IQCB1: variants seen among roughly 807,000 people sequenced by gnomAD.
IQCB1 encodes the protein IQ calmodulin-binding motif-containing protein 1.
In IQCB1, 56 loss-of-function variants were observed where a neutral mutation model predicts 84.4. The ratio of observed to expected loss-of-function variants is 0.66; its 90% confidence interval spans 0.54 to 0.83. IQCB1 has a LOEUF of 0.83. Ranked by LOEUF, IQCB1 falls within the 40% of genes least tolerant of loss-of-function variation. IQCB1 has a pLI of 0.00. For synonymous variants in IQCB1, 210 were observed against 234.8 expected, an observed-to-expected ratio of 0.89 and a Z score of 0.96; for missense variants, 629 against 682.1, an observed-to-expected ratio of 0.92 and a Z score of 0.87.
intron 11 of IQCB1, among the ~76,000 whole-genome samples, chr3:121,789,064 T>C (rs1311004279): frequency 6.6e-6 from 1 of 152,144 alleles, no homozygotes; most frequent in East Asian, 1.9e-4. Context: ...TTGGTGCCAT[T>C]ACCTGAGATG....
chr3:121,779,703 T>C (rs1279868071), intron 13 of IQCB1, among the ~76,000 whole-genome samples: 1 of 152,222 alleles, frequency 6.6e-6, no homozygotes, highest in Non-Finnish European at 1.5e-5. Context: ...GACTTTTACC[T>C]TGTTGGGTGC....
At chr3:121,828,408 G>A in intron 4 of IQCB1, 62 bp downstream of exon 4, 2 of 1,436,040 alleles carry the variant, frequency 1.4e-6, no homozygotes, top group Non-Finnish European at 2.0e-6. Flanking sequence ...AAAAGCAAAT[G>A]TTGAAAATCA....
chr3:121,818,259 G>T (rs1950145596), intron 5 of IQCB1, among the ~76,000 whole-genome samples: 1 of 152,164 alleles, frequency 6.6e-6, no homozygotes, highest in African/African-American at 2.4e-5. Flanking sequence ...ATGAACCTCT[G>T]CTGTCAAAAG....
chr3:121,826,172 C>G lies in IQCB1; in HGVS notation c.272G>C (p.Cys91Ser). 9 of 1,613,856 alleles carry G rather than the reference C, an allele frequency of 5.6e-6. No individual in the cohort carries two copies. Among genetic ancestry groups the G allele is most frequent in the Non-Finnish European group, 7.6e-6 (9 of 1,179,818 alleles). Residue 91 changes from cysteine (C) to serine (S), a missense_variant, in exon 5 of 15, where the codon TGT (cysteine) becomes TCT (serine). Transcript: ENST00000310864. ...SQLTQILSHCCVGLEPGEDAE... is the reference protein window; with the variant it reads ...SQLTQILSHCSVGLEPGEDAE... ...ATCTTCTCCTGGCTCCAAGCCCACA[C>G]AGCAATGGCTGAAATAAGAGCACAA... is the stretch of plus-strand genomic sequence containing the variant.
At chr3:121,772,426 A>G in intron 14 of IQCB1, 131 bp downstream of exon 14, 1 of 825,706 alleles carries the variant, frequency 1.2e-6, no homozygotes, top group Non-Finnish European at 2.1e-6. Flanking sequence ...GGTCTGATCT[A>G]TGTAGAAATT....
chr3:121,816,890 C>T (rs1477663682), intron 5 of IQCB1, among the ~76,000 whole-genome samples: 1 of 152,124 alleles, frequency 6.6e-6, no homozygotes. Context: ...ACCATTTGAC[C>T]CAGCTATTCC....
intron 5 of IQCB1, among the ~76,000 whole-genome samples, chr3:121,823,055 G>C (rs1034089509): frequency 3.3e-5 from 5 of 152,056 alleles, no homozygotes; most frequent in African/African-American, 1.2e-4. Flanking sequence ...CAATCAATAA[G>C]AGAAGCAAAT....
At chr3:121,799,119 G>C (rs1949308644) in intron 8 of IQCB1, 77 bp downstream of exon 8, 1 of 1,052,598 alleles carries the variant, frequency 9.5e-7, no homozygotes, top group Non-Finnish European at 1.4e-6. Flanking sequence ...TAAAATATAA[G>C]AATTTTGTTT....
intron 12 of IQCB1, among the ~76,000 whole-genome samples, chr3:121,786,170 C>CAAGAAAAAAAGAAAAG: frequency 5.4e-4 from 39 of 72,840 alleles, no homozygotes; most frequent in South Asian, 1.2e-3. Context: ...GATTCTGTCT[C>CAAGAAAAAAAGAAAAG]AAAAGAAAAG....
chr3:121,777,139 T>C (rs1948262974), intron 13 of IQCB1, among the ~76,000 whole-genome samples: 1 of 152,238 alleles, frequency 6.6e-6, no homozygotes, highest in Non-Finnish European at 1.5e-5. Context: ...CTACTTTGAG[T>C]TACATTTTGC....
In IQCB1 at chr3:121,790,166, C is replaced by G. The variant is rs387907009; in HGVS notation, c.1036G>C (p.Glu346Gln). The stretch of plus-strand genomic sequence containing the variant: ...AGTTGCAATTGTAATTTGAGGTCCT[C>G]TTCTTCCTTCTGCCTATTTATCTCC... ...LLEINRQKEEEDLKLQLQLQR... is the reference protein window; with the variant it reads ...LLEINRQKEEQDLKLQLQLQR... The change falls in exon 11 of 15, where the codon GAG (glutamate) becomes CAG (glutamine). Residue 346 changes from glutamate (E) to glutamine (Q), a missense_variant. Transcript: ENST00000310864. 1 of 1,613,536 alleles carries G rather than the reference C, an allele frequency of 6.2e-7. No homozygotes were observed. The highest frequency in any genetic ancestry group is 1.7e-5 in the Admixed American group (1 of 59,988).
chr3:121,780,281 G>A (rs548361913), intron 13 of IQCB1, among the ~76,000 whole-genome samples: 35 of 152,250 alleles, frequency 2.3e-4, no homozygotes, highest in Admixed American at 1.7e-3. Flanking sequence ...GGCTTGCTTC[G>A]TTCCCTCTCA....
chr3:121,771,600 T>A (rs1240956898), intron 14 of IQCB1, among the ~76,000 whole-genome samples: 1 of 152,116 alleles, frequency 6.6e-6, no homozygotes, highest in East Asian at 1.9e-4. Context: ...GTGCTGGGAT[T>A]AGAGGCATGA....
intron 12 of IQCB1, among the ~76,000 whole-genome samples, chr3:121,785,787 T>C (rs983509291): frequency 6.6e-6 from 1 of 152,214 alleles, no homozygotes; most frequent in African/African-American, 2.4e-5. Flanking sequence ...CAATTTGGAC[T>C]AGCTACATGT....
chr3:121,807,715 C>A (rs1383594340), intron 6 of IQCB1, among the ~76,000 whole-genome samples: 2 of 151,884 alleles, frequency 1.3e-5, no homozygotes, highest in Non-Finnish European at 2.9e-5. Context: ...TTGAAAATAT[C>A]ATATCCTAAA....
intron 5 of IQCB1, among the ~76,000 whole-genome samples, chr3:121,824,501 A>C (rs997746254): frequency 6.6e-6 from 1 of 152,164 alleles, no homozygotes; most frequent in Non-Finnish European, 1.5e-5. Flanking sequence ...AACACTAATC[A>C]TAAGAAAACT....
At chr3:121,785,197 A>T (rs1442512716) in intron 12 of IQCB1, among the ~76,000 whole-genome samples, 3 of 152,016 alleles carry the variant, frequency 2.0e-5, no homozygotes, top group African/African-American at 7.2e-5. Flanking sequence ...GGACACTAAT[A>T]ACCAGTTCTT....
intron 12 of IQCB1, among the ~76,000 whole-genome samples, chr3:121,787,542 A>G (rs1948783952): frequency 6.6e-6 from 1 of 152,086 alleles, no homozygotes. Flanking sequence ...CACGAGGTCT[A>G]GAGATCGAGA....
chr3:121,798,624 G>A (rs9882939), intron 8 of IQCB1, among the ~76,000 whole-genome samples: 151,238 of 152,070 alleles, frequency 0.99, 75,212 homozygotes, highest in East Asian at 1. Flanking sequence ...TAAAGTATAT[G>A]GAATGTGCCT....
Sources: gnomAD v4.1 joint callset for allele counts (sites outside exome capture counted in the v4.1 genomes callset) on GRCh38, gnomAD v4.1.1 for gene constraint, MANE v1.5 for transcripts, NCBI Gene and HGNC (gene_info 2026-07-23, HGNC 2026-07-21) for gene names.